Variants in NELL2 observed in about 807,000 individuals in gnomAD.
NELL2 encodes the protein neural EGFL like 2.
In NELL2, 41 loss-of-function variants were observed where a neutral mutation model predicts 109.6. That is an observed-to-expected ratio of 0.37 (90% confidence interval 0.29 to 0.49). NELL2 has a LOEUF of 0.49. NELL2 is among the 20% of genes least tolerant of loss of function. The pLI is 0.98. For synonymous variants in NELL2, 355 were observed against 344.7 expected (o/e 1.03, Z -0.33); for missense variants, 900 against 1,008.3 (o/e 0.89, Z 1.45).
chr12:44,724,164 T>A (rs1331907388), intron 9 of NELL2, among the ~76,000 whole-genome samples: 1 of 151,612 alleles, frequency 6.6e-6, no homozygotes, highest in Non-Finnish European at 1.5e-5. Flanking sequence ...AACCACATGT[T>A]CTTACTGATA....
rs146685994 is a variant in NELL2 at position 44,509,265 on chromosome 12, G to A, written c.2401-281C>T. 6.6e-5 allele frequency among the ~76,000 whole-genome samples: 10 copies of A among 152,210 alleles called. No homozygotes were observed. The East Asian group carries it at 1.9e-3, about 29-fold the overall frequency. ...TTTGCAAAATATGTACTAAGTCTAT[G>A]TAAGCACTAAGTATATTAATAAATA... On this transcript the variant is annotated intron_variant, in intron 19 of 19. Coordinates refer to ENST00000429094, the MANE Select transcript of NELL2 (RefSeq NM_001145108.2).
At chr12:44,740,443 T>C (rs138449613) in intron 9 of NELL2, among the ~76,000 whole-genome samples, 1 of 152,282 alleles carries the variant, frequency 6.6e-6, no homozygotes, top group African/African-American at 2.4e-5. Flanking sequence ...ACTTCTAGCA[T>C]GAAATGACAA....
chr12:44,747,140 T>A (rs1045924097), intron 9 of NELL2, among the ~76,000 whole-genome samples: 3 of 152,190 alleles, frequency 2.0e-5, no homozygotes, highest in African/African-American at 7.2e-5. Flanking sequence ...TGAGTTCATG[T>A]CCTTTGTGGG....
rs906221667 is a variant in NELL2 at position 44,660,963 on chromosome 12, G to C, written c.1444+4521C>G. On this transcript the variant is annotated intron_variant, in intron 13 of 19. Coordinates refer to ENST00000429094, the MANE Select transcript of NELL2 (RefSeq NM_001145108.2). ...TTTAAAAGTGATGAATTGGCAGCCA[G>C]CACTAGGGAAAGGCCATTTCCTGAG... is the stretch of plus-strand genomic sequence containing the variant. Among the ~76,000 whole-genome samples the C allele has an allele frequency of 4.6e-5, 7 of 152,164 alleles. No individual in the cohort carries two copies. The East Asian group carries it at 1.3e-3, about 29-fold the overall frequency.
At chr12:44,671,545 A>T (rs1948137913) in intron 12 of NELL2, among the ~76,000 whole-genome samples, 1 of 152,124 alleles carries the variant, frequency 6.6e-6, no homozygotes, top group African/African-American at 2.4e-5. Context: ...AATAACAAAG[A>T]ATAAAAGAGA....
At chr12:44,810,406 A>C (rs1943135550) in intron 3 of NELL2, among the ~76,000 whole-genome samples, 1 of 152,138 alleles carries the variant, frequency 6.6e-6, no homozygotes, top group East Asian at 1.9e-4. Flanking sequence ...TCAGAATTAT[A>C]GGCAGTGGTA....
intron 13 of NELL2, among the ~76,000 whole-genome samples, chr12:44,655,565 A>C (rs986004845): frequency 2.0e-5 from 3 of 152,234 alleles, no homozygotes; most frequent in African/African-American, 4.8e-5. Context: ...TGGCCTCCTC[A>C]GTAACTGTGG....
At chr12:44,597,434 A>G (rs1037051790) in intron 15 of NELL2, among the ~76,000 whole-genome samples, 14 of 152,216 alleles carry the variant, frequency 9.2e-5, no homozygotes, top group African/African-American at 3.4e-4. Flanking sequence ...TAAAATAAGT[A>G]ACGTAGAATT....
At chr12:44,812,511 A>G (rs967341276) in intron 3 of NELL2, among the ~76,000 whole-genome samples, 9 of 152,152 alleles carry the variant, frequency 5.9e-5, no homozygotes, top group Non-Finnish European at 8.8e-5. Flanking sequence ...TGATTTGTAT[A>G]TGTTTCATTT....
chr12:44,774,124 T>A (rs1176080218), intron 9 of NELL2, among the ~76,000 whole-genome samples: 1 of 152,208 alleles, frequency 6.6e-6, no homozygotes, highest in Non-Finnish European at 1.5e-5. Flanking sequence ...ATAAATAAAT[T>A]ATTTCCATTA....
chr12:44,746,322 T>C (rs1480768528), intron 9 of NELL2, among the ~76,000 whole-genome samples: 3 of 152,172 alleles, frequency 2.0e-5, no homozygotes, highest in East Asian at 3.8e-4. Context: ...GACTTACATG[T>C]TAGACCTAAA....
chr12:44,521,516 C>T (rs1267865379), intron 18 of NELL2, among the ~76,000 whole-genome samples: 2 of 123,548 alleles, frequency 1.6e-5, no homozygotes, highest in Non-Finnish European at 3.2e-5. Flanking sequence ...GGCGACAGAG[C>T]GAGACTCCGT....
At chr12:44,841,069 C>A (rs1282130058) in intron 2 of NELL2, among the ~76,000 whole-genome samples, 1 of 152,134 alleles carries the variant, frequency 6.6e-6, no homozygotes, top group Admixed American at 6.5e-5. Flanking sequence ...TATAAAAATT[C>A]AACAGTTTAA....
chr12:44,913,616 G>A (rs975703143), intron 1 of NELL2, among the ~76,000 whole-genome samples: 1 of 152,052 alleles, frequency 6.6e-6, no homozygotes. Context: ...ATTTAGCAAA[G>A]AAATTCCCAA....
intron 9 of NELL2, among the ~76,000 whole-genome samples, chr12:44,758,549 G>T (rs1020649250): frequency 6.6e-6 from 1 of 152,072 alleles, no homozygotes; most frequent in Non-Finnish European, 1.5e-5. Context: ...ATGAAAGAGG[G>T]GTCAAAATAT....
At chr12:44,587,271 C>CAA (rs1194091069) in intron 15 of NELL2, among the ~76,000 whole-genome samples, 421 of 28,074 alleles carry the variant, frequency 0.015, 32 homozygotes, top group African/African-American at 0.077. Flanking sequence ...GACTCCGTCT[C>CAA]AAAAAAAAAA....
At chr12:44,606,208 T>A (rs1375773357) in intron 15 of NELL2, among the ~76,000 whole-genome samples, 1 of 152,134 alleles carries the variant, frequency 6.6e-6, no homozygotes, top group Non-Finnish European at 1.5e-5. Context: ...CAGTAGCAGA[T>A]TCTATTCAGT....
chr12:44,562,138 T>G (rs1223452219), intron 15 of NELL2, among the ~76,000 whole-genome samples: 1 of 152,210 alleles, frequency 6.6e-6, no homozygotes, highest in African/African-American at 2.4e-5. Context: ...ACTGGACTCC[T>G]TCCTTACACC....
At chr12:44,661,131 G>A (rs543843313) in intron 13 of NELL2, among the ~76,000 whole-genome samples, 8 of 152,296 alleles carry the variant, frequency 5.3e-5, no homozygotes, top group Admixed American at 1.3e-4. Context: ...AGCCTCAGAT[G>A]AGCATGCATA....
Sources: allele counts gnomAD v4.1 joint callset (sites outside exome capture counted in the v4.1 genomes callset), GRCh38; gene constraint gnomAD v4.1.1; transcripts MANE v1.5; gene names NCBI Gene and HGNC (gene_info 2026-07-23, HGNC 2026-07-21).